The following UGT1A9 variants were observed in gnomAD, a reference collection of about 807,000 sequenced individuals.
UGT1A9 encodes UDP-glucuronosyltransferase 1A9.
Under a neutral mutation model 45.0 loss-of-function variants are expected in UGT1A9, and 35 were observed. The observed-to-expected ratio is 0.78, with a 90% CI of 0.59 to 1.03. UGT1A9 has a LOEUF of 1.03. Ranked by LOEUF, UGT1A9 falls within the 50% of genes least tolerant of loss-of-function variation. UGT1A9 has a pLI of 0.00. For missense variants in UGT1A9, 687 were observed against 666.6 expected (o/e 1.03, Z -0.34); for synonymous variants, 278 against 250.6 (o/e 1.11, Z -1.03).
intron 1 of UGT1A9, chr2:233,741,688 A>C (rs1691743482): frequency 6.6e-6 from 1 of 151,896 alleles, no homozygotes; most frequent in Non-Finnish European, 1.5e-5. Flanking sequence ...GGGTGCCATT[A>C]CATGCAGAGT....
At chr2:233,711,107 C>T (rs1170394278) in intron 1 of UGT1A9, among the ~76,000 whole-genome samples, 1 of 152,202 alleles carries the variant, frequency 6.6e-6, no homozygotes, top group Non-Finnish European at 1.5e-5. Flanking sequence ...GCCCAGACCC[C>T]TCCTCATCTC....
intron 1 of UGT1A9, chr2:233,708,366 T>C (rs1157457185): frequency 1.3e-5 from 2 of 152,232 alleles, no homozygotes; most frequent in South Asian, 2.1e-4. Context: ...TAATTCTTCA[T>C]TTAAACGTCT....
intron 1 of UGT1A9, 137 bp downstream of exon 1, chr2:233,672,926 C>A: frequency 1.4e-6 from 2 of 1,477,468 alleles, no homozygotes; most frequent in Non-Finnish European, 1.8e-6. Context: ...TTATTTTGTG[C>A]CAATGCGTGT....
chr2:233,772,380 C>A lies in UGT1A9; in HGVS notation c.1414C>A (p.Arg472Ser), dbSNP rs566674185. ...GAGGCACAAGGGCGCGCCACACCTG[C>A]GCCCCGCAGCCCACGACCTCACCTG... ...VMRHKGAPHL[R>S]PAAHDLTWYQ... Residue 472 changes from arginine to serine, a missense_variant, in exon 5 of 5, where the codon CGC becomes AGC. Transcript: ENST00000354728. The A allele has an allele frequency of 6.2e-7, 1 of 1,614,262 alleles. No homozygotes were observed. The highest frequency in any genetic ancestry group is 1.1e-5 in the South Asian group (1 of 91,086).
intron 1 of UGT1A9, among the ~76,000 whole-genome samples, chr2:233,727,559 C>G (rs1406536864): frequency 6.6e-6 from 1 of 152,176 alleles, no homozygotes; most frequent in Non-Finnish European, 1.5e-5. Flanking sequence ...CTGGGCTCAT[C>G]ATGAGGGTGC....
chr2:233,679,274 A>G (rs886248951), intron 1 of UGT1A9, among the ~76,000 whole-genome samples: 1 of 152,208 alleles, frequency 6.6e-6, no homozygotes, highest in Non-Finnish European at 1.5e-5. Context: ...CTGGCAATGC[A>G]TTTTCTGCCT....
chr2:233,740,631 C>G (rs1198172888), intron 1 of UGT1A9: 1 of 151,760 alleles, frequency 6.6e-6, no homozygotes, highest in East Asian at 1.9e-4. Context: ...CAGGGTCATG[C>G]CTTTCCTTGC....
At chr2:233,708,101 A>G (rs1377829159) in intron 1 of UGT1A9, among the ~76,000 whole-genome samples, 3 of 152,230 alleles carry the variant, frequency 2.0e-5, no homozygotes, top group African/African-American at 7.2e-5. Flanking sequence ...GAATTAGAAT[A>G]AACATCTTAG....
intron 1 of UGT1A9, among the ~76,000 whole-genome samples, chr2:233,687,245 A>G (rs991144087): frequency 6.6e-6 from 1 of 152,186 alleles, no homozygotes; most frequent in Non-Finnish European, 1.5e-5. Flanking sequence ...CCTCCACAAG[A>G]TTAATGATCT....
At chr2:233,683,872 C>T (rs2074654368) in intron 1 of UGT1A9, among the ~76,000 whole-genome samples, 1 of 152,052 alleles carries the variant, frequency 6.6e-6, no homozygotes, top group South Asian at 2.1e-4. Flanking sequence ...GCAAATTATT[C>T]CCTCCCCTGG....
At chr2:233,717,209 CG>C (rs1559362356) in intron 1 of UGT1A9, among the ~76,000 whole-genome samples, 1 of 152,166 alleles carries the variant, frequency 6.6e-6, no homozygotes, top group African/African-American at 2.4e-5. Flanking sequence ...ACCCTCACCC[CG>C]GGCTCATCAG....
intron 1 of UGT1A9, among the ~76,000 whole-genome samples, chr2:233,764,685 G>C (rs1320206547): frequency 6.6e-6 from 1 of 152,148 alleles, no homozygotes; most frequent in Non-Finnish European, 1.5e-5. Context: ...AGAACTTGAA[G>C]AGCACTTGGA....
intron 1 of UGT1A9, among the ~76,000 whole-genome samples, chr2:233,738,304 T>C (rs762666670): frequency 6.6e-6 from 1 of 152,228 alleles, no homozygotes; most frequent in Non-Finnish European, 1.5e-5. Flanking sequence ...GGTATGTCTT[T>C]ATAGCAGTGT....
chr2:233,716,607 TGA>T (rs967387624), intron 1 of UGT1A9, among the ~76,000 whole-genome samples: 38 of 152,324 alleles, frequency 2.5e-4, no homozygotes, highest in South Asian at 6.2e-4. Flanking sequence ...TAGAATTTGA[TGA>T]GGTTTATTCT....
chr2:233,744,363 T>G (rs1041937060), intron 1 of UGT1A9, among the ~76,000 whole-genome samples: 1 of 151,886 alleles, frequency 6.6e-6, no homozygotes, highest in African/African-American at 2.4e-5. Context: ...TCCTGTTGTT[T>G]AGGACTGCAG....
At chr2:233,682,454 T>G (rs749559644) in intron 1 of UGT1A9, 10 of 1,613,828 alleles carry the variant, frequency 6.2e-6, no homozygotes, top group African/African-American at 1.3e-5. Context: ...CAGGGGAATA[T>G]TTTGCCACTA....
At chr2:233,693,568 T>A (rs879089605) in intron 1 of UGT1A9, 1 of 1,614,242 alleles carries the variant, frequency 6.2e-7, no homozygotes, top group South Asian at 1.1e-5. Context: ...GCCCAGACCC[T>A]GTGTCCTACA....
chr2:233,714,063 G>A (rs2076363404), intron 1 of UGT1A9, among the ~76,000 whole-genome samples: 1 of 152,154 alleles, frequency 6.6e-6, no homozygotes, highest in Admixed American at 6.5e-5. Flanking sequence ...TGAGAGGAAG[G>A]AGAGGCAGGG....
In UGT1A9 at chr2:233,769,819, C is replaced by T. The variant is rs35283790; in HGVS notation, c.1295+1380C>T. Reference sequence around the variant, plus strand: ...GCTATGAGCCGTGATCATGCCACTGCACTCCAGCAACCTGGGCAACAGAGT... The same window carrying T: ...GCTATGAGCCGTGATCATGCCACTGTACTCCAGCAACCTGGGCAACAGAGT... On this transcript the variant is annotated intron_variant, in intron 4 of 4. Transcript: ENST00000354728. This position sits in a 1 kb window ranked among gnomAD's most constrained non-coding sequence, Gnocchi z 4.4. The T allele has an allele frequency of 0.018, 15,000 of 840,188 alleles. 224 individuals carry two copies. Among genetic ancestry groups the T allele is most frequent in the Admixed American group, 0.067 (1,978 of 29,358 alleles). The allele number at this position is 840,188 out of a possible 1,614,324, so 52.0% of individuals were successfully genotyped here.
Sources: allele counts gnomAD v4.1 joint callset (sites outside exome capture counted in the v4.1 genomes callset), GRCh38; gene constraint gnomAD v4.1.1; non-coding constraint Gnocchi (gnomAD v3.1); transcripts MANE v1.5; gene names NCBI Gene and HGNC (gene_info 2026-07-23, HGNC 2026-07-21).